SCARA5: variants seen among roughly 807,000 people sequenced by gnomAD.
SCARA5 encodes the protein scavenger receptor class A, member 5 (putative).
A neutral mutation model predicts 46.3 loss-of-function variants in SCARA5; 45 were observed. The observed-to-expected ratio is 0.97, with a 90% CI of 0.76 to 1.24. The LOEUF is 1.24. SCARA5 is among the 50% of genes most tolerant of loss of function. The pLI is 0.00. For missense variants in SCARA5, 680 were observed against 689.0 expected, an observed-to-expected ratio of 0.99 and a Z score of 0.15; for synonymous variants, 333 against 306.5, an observed-to-expected ratio of 1.09 and a Z score of -0.90.
At chr8:27,961,422 C>G (rs1387619751) in intron 3 of SCARA5, among the ~76,000 whole-genome samples, 1 of 152,178 alleles carries the variant, frequency 6.6e-6, no homozygotes, top group African/African-American at 2.4e-5. Flanking sequence ...GAGGCCTTAC[C>G]AGAGACCAAG....
intron 1 of SCARA5, 142 bp from the exon 2 acceptor site, chr8:27,987,772 C>T: frequency 1.6e-6 from 1 of 607,422 alleles, no homozygotes; most frequent in South Asian, 2.0e-5. Context: ...GGACCCTCTG[C>T]TCATCACCAG....
chr8:27,959,263 T>C (rs1363324412), intron 3 of SCARA5, among the ~76,000 whole-genome samples: 3 of 152,024 alleles, frequency 2.0e-5, no homozygotes, highest in East Asian at 1.9e-4. Context: ...GTAAGTCTCA[T>C]GAGAATTTAA....
At chr8:27,926,670 T>G (rs1017557519) in intron 3 of SCARA5, among the ~76,000 whole-genome samples, 1 of 152,208 alleles carries the variant, frequency 6.6e-6, no homozygotes, top group African/African-American at 2.4e-5. Context: ...AGACCTTAAC[T>G]ATTTCCTATG....
intron 4 of SCARA5, among the ~76,000 whole-genome samples, chr8:27,911,416 G>T (rs1807373494): frequency 6.6e-6 from 1 of 152,332 alleles, no homozygotes. Flanking sequence ...CATGGGGCCA[G>T]GTGTAGTGGC....
At chr8:27,950,905 C>T (rs1403522459) in intron 3 of SCARA5, among the ~76,000 whole-genome samples, 1 of 147,534 alleles carries the variant, frequency 6.8e-6, no homozygotes, top group African/African-American at 2.5e-5. Flanking sequence ...TCAGTGTGGA[C>T]TAAGCCATTT....
At chr8:27,964,362 G>A (rs1311379444) in intron 3 of SCARA5, among the ~76,000 whole-genome samples, 1 of 152,062 alleles carries the variant, frequency 6.6e-6, no homozygotes, top group African/African-American at 2.4e-5. Flanking sequence ...TTCAACACAG[G>A]CAATGTGGTA....
intron 2 of SCARA5, among the ~76,000 whole-genome samples, chr8:27,983,780 G>A (rs1808659262): frequency 6.6e-6 from 1 of 152,212 alleles, no homozygotes; most frequent in Non-Finnish European, 1.5e-5. Context: ...GCCTGCCAGT[G>A]ACCGGACCCG....
At position 27,871,714 on chromosome 8, in the gene SCARA5, G is replaced by C. The variant is rs1034496359; in HGVS notation, c.*220C>G. The C allele has an allele frequency of 7.4e-5, 104 of 1,397,530 alleles. No individual in the cohort carries two copies. The highest frequency in any genetic ancestry group is 5.3e-4 in the Middle Eastern group (2 of 3,766). 86.6% of individuals were successfully genotyped at this position (1,397,530 alleles called of 1,614,324 possible). ...CTCCTCATGCAGGAACCTGGTGGAA[G>C]AGAGAGACGGGCAGTAGGTCCCAGA... is the stretch of plus-strand genomic sequence containing the variant. On this transcript the variant is annotated 3_prime_UTR_variant, in exon 9 of 9. Transcript: ENST00000354914.
At chr8:27,989,845 C>T (rs1472081307) in intron 1 of SCARA5, among the ~76,000 whole-genome samples, 2 of 152,252 alleles carry the variant, frequency 1.3e-5, no homozygotes, top group Non-Finnish European at 2.9e-5. Flanking sequence ...AGCTCCAGCA[C>T]TGCTAAGTTG....
In SCARA5 at chr8:27,950,226, C is replaced by T. The variant is rs575941715; in HGVS notation, c.241+16188G>A. On this transcript the variant is annotated intron_variant, in intron 3 of 8. Transcript: ENST00000354914. ...AGGGGCTGAGGCAGGGACACCCACA[C>T]GCTCTTTGCCATTAAACCACCTATG... Among the ~76,000 whole-genome samples, 16 of 152,284 alleles carry T rather than the reference C, an allele frequency of 1.1e-4. No homozygotes were observed. The East Asian group carries it at 1.2e-3, about 11-fold the overall frequency.
intron 3 of SCARA5, among the ~76,000 whole-genome samples, chr8:27,964,578 C>A (rs758756863): frequency 8.5e-5 from 13 of 152,158 alleles, no homozygotes; most frequent in Non-Finnish European, 1.8e-4. Context: ...TACTTGTTAG[C>A]AAACTGTCCT....
intron 8 of SCARA5, among the ~76,000 whole-genome samples, chr8:27,872,593 T>C (rs781685283): frequency 2.0e-5 from 3 of 152,212 alleles, no homozygotes; most frequent in Non-Finnish European, 4.4e-5. Flanking sequence ...GCCACCTCCT[T>C]GGATGTTGTT....
At chr8:27,874,877 C>A (rs182154214) in intron 8 of SCARA5, among the ~76,000 whole-genome samples, 6 of 152,322 alleles carry the variant, frequency 3.9e-5, no homozygotes, top group Admixed American at 1.3e-4. Context: ...AAGCCTCCCT[C>A]CAGTCATCAC....
At position 27,926,653 on chromosome 8, in the gene SCARA5, A is replaced by T. The variant is rs372277978; in HGVS notation, c.242-4408T>A. On this transcript the variant is annotated intron_variant, in intron 3 of 8. Coordinates refer to ENST00000354914, the MANE Select transcript of SCARA5 (RefSeq NM_173833.6). ...CTCAGAGGATCACAAACACTGCCGT[A>T]TAATCTAGACCTTAACTATTTCCTA... 5.3e-5 allele frequency among the ~76,000 whole-genome samples: 8 copies of T among 152,366 alleles called. No homozygotes were observed. The South Asian group carries it at 1.4e-3, about 28-fold the overall frequency.
At chr8:27,925,657 C>A (rs555470853) in intron 3 of SCARA5, among the ~76,000 whole-genome samples, 45 of 152,074 alleles carry the variant, frequency 3.0e-4, no homozygotes, top group African/African-American at 9.9e-4. Flanking sequence ...AGGGTGAGCA[C>A]GCAACCTACA....
chr8:27,927,164 G>A (rs1807692916), intron 3 of SCARA5, among the ~76,000 whole-genome samples: 1 of 152,102 alleles, frequency 6.6e-6, no homozygotes, highest in Non-Finnish European at 1.5e-5. Context: ...TTCCCTCTGT[G>A]GGGGTCCCTA....
At chr8:27,971,661 G>A (rs1310597485) in intron 2 of SCARA5, among the ~76,000 whole-genome samples, 2 of 152,216 alleles carry the variant, frequency 1.3e-5, no homozygotes, top group Non-Finnish European at 2.9e-5. Flanking sequence ...AGAAGTGAGG[G>A]TGGCATCTGG....
chr8:27,898,128 T>A (rs534858346), intron 7 of SCARA5, among the ~76,000 whole-genome samples: 1 of 152,376 alleles, frequency 6.6e-6, no homozygotes, highest in South Asian at 2.1e-4. Context: ...ATCCTTATTT[T>A]ACCACTTGAC....
intron 7 of SCARA5, among the ~76,000 whole-genome samples, chr8:27,902,652 T>C (rs973156249): frequency 2.0e-5 from 3 of 152,288 alleles, no homozygotes; most frequent in Admixed American, 6.5e-5. Flanking sequence ...CAGGAGTTGT[T>C]TATTTCTCAG....
Sources: gnomAD v4.1 joint callset for allele counts (sites outside exome capture counted in the v4.1 genomes callset) on GRCh38, gnomAD v4.1.1 for gene constraint, MANE v1.5 for transcripts, NCBI Gene and HGNC (gene_info 2026-07-23, HGNC 2026-07-21) for gene names.